TIMELESS: variants seen among roughly 807,000 people sequenced by gnomAD.
The protein encoded by TIMELESS is protein timeless homolog.
A neutral mutation model predicts 164.3 loss-of-function variants in TIMELESS; 124 were observed. That is an observed-to-expected ratio of 0.75 (90% CI 0.65 to 0.88). The LOEUF is 0.88. TIMELESS is among the 40% of genes least tolerant of loss of function. TIMELESS has a pLI of 0.00. For missense variants in TIMELESS, 1,422 were observed against 1,491.4 expected, an observed-to-expected ratio of 0.95 and a Z score of 0.77; for synonymous variants, 564 against 563.4, an observed-to-expected ratio of 1.00 and a Z score of -0.02.
chr12:56,427,169 C>T (rs920758230), intron 13 of TIMELESS, among the ~76,000 whole-genome samples: 2 of 152,178 alleles, frequency 1.3e-5, no homozygotes, highest in African/African-American at 4.8e-5. Context: ...GTGGCCCAGA[C>T]TGGAGTGCAG....
intron 13 of TIMELESS, among the ~76,000 whole-genome samples, chr12:56,426,806 C>T (rs375818934): frequency 9.9e-5 from 15 of 151,898 alleles, no homozygotes; most frequent in African/African-American, 2.9e-4. Flanking sequence ...GTGATCTGCC[C>T]GCCTCAGCCT....
intron 1 of TIMELESS, among the ~76,000 whole-genome samples, chr12:56,439,615 A>C (rs1262009483): frequency 6.6e-6 from 1 of 152,016 alleles, no homozygotes; most frequent in African/African-American, 2.4e-5. Flanking sequence ...ACTGGTCTCA[A>C]ACTCCTGACT....
intron 1 of TIMELESS, among the ~76,000 whole-genome samples, chr12:56,439,348 C>T (rs1882178539): frequency 6.6e-6 from 1 of 151,608 alleles, no homozygotes; most frequent in Non-Finnish European, 1.5e-5. Context: ...GGTTGTACAA[C>T]TCTCTGAATA....
chr12:56,432,489 G>C lies in TIMELESS; in HGVS notation c.567C>G (p.Leu189=). ...GGCCGCTGAGGTGAATCGCCCAGAG[G>C]AGCTGGTCATGGGCACTGGCGTCAT... ...IDDDASAHDQ[L]LWAIHLSGLD... Residue 189 remains leucine (L), a synonymous_variant, in exon 7 of 29, where the codon CTC becomes CTG. Coordinates refer to ENST00000553532, the MANE Select transcript of TIMELESS (RefSeq NM_003920.5). 6.2e-7 allele frequency: 1 copy of C among 1,614,168 alleles called. No homozygotes were observed. The highest frequency in any genetic ancestry group is 8.5e-7 in the Non-Finnish European group (1 of 1,180,032).
intron 15 of TIMELESS, among the ~76,000 whole-genome samples, 166 bp from the exon 16 acceptor site, chr12:56,424,060 A>C (rs1485899070): frequency 3.3e-5 from 5 of 152,232 alleles, no homozygotes; most frequent in Non-Finnish European, 5.9e-5. Flanking sequence ...TTTCCTCATA[A>C]GCCACAATTC....
chr12:56,435,688 G>A (rs1026609113), intron 1 of TIMELESS, among the ~76,000 whole-genome samples: 24 of 152,160 alleles, frequency 1.6e-4, no homozygotes, highest in Non-Finnish European at 2.9e-4. Flanking sequence ...GGCCGGGCAC[G>A]GTGGCTCATG....
chr12:56,424,579 T>C (rs1881609494), intron 15 of TIMELESS, among the ~76,000 whole-genome samples, 183 bp downstream of exon 15: 1 of 152,244 alleles, frequency 6.6e-6, no homozygotes. Context: ...AACTATGCTT[T>C]TTTAATGTTT....
chr12:56,433,319 T>C, intron 5 of TIMELESS, 62 bp downstream of exon 5: 2 of 1,573,528 alleles, frequency 1.3e-6, no homozygotes, highest in Non-Finnish European at 1.7e-6. Context: ...CATCTCCTCC[T>C]CTGCCCGGAG....
chr12:56,423,334 C>T lies in TIMELESS; in HGVS notation c.2232G>A (p.Gln744=), dbSNP rs139474937. 257 of 1,614,144 alleles carry T rather than the reference C, an allele frequency of 1.6e-4. No homozygotes were observed. The African/African-American group carries it at 3.1e-3, about 19-fold the overall frequency. The part of the protein sequence containing the change: ...HDLKMEALLF[Q]LSVFCLFNRL... The stretch of plus-strand genomic sequence containing the variant: ...GATTGAAGAGGCAGAAGACTGACAG[C>T]TGAAAAAGTAGGGCTTCCATTTTGA... Residue 744 remains glutamine (Q), a synonymous_variant, in exon 18 of 29, where the codon CAG becomes CAA. Transcript: ENST00000553532.
Position 56,447,194 on chromosome 12 carries a change from T to G in TIMELESS, c.-62+2116A>C, listed in dbSNP as rs1265961553. Among the ~76,000 whole-genome samples the G allele has an allele frequency of 3.5e-4, 52 of 147,020 alleles. 1 individual carries two copies. The East Asian group carries it at 5.6e-3, about 16-fold the overall frequency. ...CCAGCTAATTTTTGTTTTTTTTTTT[T>G]TTTTTTTTTTTTTTTAGTAGAGATA... On this transcript the variant is annotated intron_variant, in intron 1 of 28. Transcript: ENST00000553532.
Position 56,423,646 on chromosome 12 carries a change from C to G in TIMELESS, c.2028G>C (p.Glu676Asp). The G allele has an allele frequency of 6.2e-7, 1 of 1,613,568 alleles. No homozygotes were observed. The highest frequency in any genetic ancestry group is 8.5e-7 in the Non-Finnish European group (1 of 1,179,944). The change falls in exon 17 of 29, where the codon GAG becomes GAC. Residue 676 changes from glutamate to aspartate, a missense_variant. By Grantham distance (45) the Glu-to-Asp change is conservative. Transcript: ENST00000553532. ...ACACCTGGACCACTTGCAACTCCTCCTCTTCCTCCTCCTCCTCCTCTTCTT... is the reference window on the plus strand; with the variant it reads ...ACACCTGGACCACTTGCAACTCCTCGTCTTCCTCCTCCTCCTCCTCTTCTT... Reference protein sequence around the residue: ...EEEEEEEEEEEEELQVVQVSE... With the variant: ...EEEEEEEEEEDEELQVVQVSE...
intron 1 of TIMELESS, among the ~76,000 whole-genome samples, chr12:56,434,464 G>A (rs1882004644): frequency 1.3e-5 from 2 of 152,194 alleles, no homozygotes; most frequent in Admixed American, 1.3e-4. Flanking sequence ...CTGGCCAGGC[G>A]CGGTGGCTCA....
chr12:56,422,771 T>A, intron 19 of TIMELESS, 76 bp downstream of exon 19: 1 of 1,486,086 alleles, frequency 6.7e-7, no homozygotes, highest in Admixed American at 2.0e-5. Context: ...TGCAAGCTCT[T>A]AACAGCTTTG....
chr12:56,423,896 T>C lies in TIMELESS; in HGVS notation c.1869-2A>G. On this transcript the variant is annotated splice_acceptor_variant, in intron 15 of 28. Transcript: ENST00000553532. LOFTEE classifies it high-confidence loss of function. Reference sequence around the variant, plus strand: ...ACATCTCCTTCAGGCCACACCTCCCTGGAGCACAGATAGAAAAAAGGCTTT... The same window carrying C: ...ACATCTCCTTCAGGCCACACCTCCCCGGAGCACAGATAGAAAAAAGGCTTT... 1 of 1,613,902 alleles carries C rather than the reference T, an allele frequency of 6.2e-7. No homozygotes were observed. The highest frequency in any genetic ancestry group is 8.5e-7 in the Non-Finnish European group (1 of 1,179,776).
intron 1 of TIMELESS, among the ~76,000 whole-genome samples, chr12:56,441,573 G>A (rs534529505): frequency 6.6e-6 from 1 of 152,246 alleles, no homozygotes; most frequent in South Asian, 2.1e-4. Flanking sequence ...GTTGCAACGA[G>A]CTGAAATTGT....
intron 1 of TIMELESS, among the ~76,000 whole-genome samples, chr12:56,434,549 CCAA>C (rs1882007822): frequency 6.6e-6 from 1 of 152,104 alleles, no homozygotes; most frequent in African/African-American, 2.4e-5. Flanking sequence ...ACCAGCCTGA[CCAA>C]CATGGAGAAA....
At position 56,425,103 on chromosome 12, in the gene TIMELESS, G is replaced by T; in HGVS notation, c.1628C>A (p.Ala543Asp). The T allele has an allele frequency of 6.2e-7, 1 of 1,614,084 alleles. No homozygotes were observed. The highest frequency in any genetic ancestry group is 1.1e-5 in the South Asian group (1 of 91,078). The stretch of plus-strand genomic sequence containing the variant: ...AGATGGGACATTACCAGAAACAATG[G>T]CCTGGTCTAGGACCTTCTTCTTCTT... ...RKKKKKVLDQ[A>D]IVSGNVPSSP... Residue 543 changes from alanine (A) to aspartate (D), a missense_variant, in exon 14 of 29, where the codon GCC becomes GAC. By Grantham distance (126) the Ala-to-Asp change is moderately radical (BLOSUM62 -2). Coordinates refer to ENST00000553532, the MANE Select transcript of TIMELESS (RefSeq NM_003920.5).
At chr12:56,446,896 T>C (rs1868359799) in intron 1 of TIMELESS, among the ~76,000 whole-genome samples, 1 of 152,130 alleles carries the variant, frequency 6.6e-6, no homozygotes, top group African/African-American at 2.4e-5. Flanking sequence ...ATGTCTACTG[T>C]GTACCATATT....
intron 1 of TIMELESS, among the ~76,000 whole-genome samples, chr12:56,442,774 T>G (rs1868295205): frequency 1.3e-5 from 2 of 152,214 alleles, no homozygotes; most frequent in Non-Finnish European, 2.9e-5. Context: ...AGAGACCGGC[T>G]GAAGCCACAG....
Sources: allele counts gnomAD v4.1 joint callset (sites outside exome capture counted in the v4.1 genomes callset), GRCh38; gene constraint gnomAD v4.1.1; transcripts MANE v1.5; gene names NCBI Gene and HGNC (gene_info 2026-07-23, HGNC 2026-07-21).